The following BTBD9 variants were observed in gnomAD, a reference collection of about 807,000 sequenced individuals.
BTBD9 encodes BTB domain containing 9.
Under a neutral mutation model 64.3 loss-of-function variants are expected in BTBD9, and 49 were observed. The ratio of observed to expected loss-of-function variants is 0.76; its 90% CI spans 0.61 to 0.97. BTBD9 has a LOEUF of 0.97. Ranked by LOEUF, BTBD9 falls within the 50% of genes least tolerant of loss-of-function variation. The pLI is 0.00. For synonymous variants in BTBD9, 260 were observed against 274.7 expected, an observed-to-expected ratio of 0.95 and a Z score of 0.53; for missense variants, 598 against 762.1, an observed-to-expected ratio of 0.78 and a Z score of 2.53.
intron 6 of BTBD9, among the ~76,000 whole-genome samples, chr6:38,429,468 A>AG (rs1554150956): frequency 3.3e-5 from 5 of 151,298 alleles, no homozygotes; most frequent in African/African-American, 9.8e-5. Flanking sequence ...AAAAAAAAAA[A>AG]AAAGAAAGAA....
At chr6:38,453,833 T>C (rs1328863804) in intron 6 of BTBD9, among the ~76,000 whole-genome samples, 1 of 152,180 alleles carries the variant, frequency 6.6e-6, no homozygotes, top group Non-Finnish European at 1.5e-5. Flanking sequence ...AAGCTGCTTT[T>C]TGGAAGAAGA....
rs773664757 is a variant in BTBD9 at position 38,594,253 on chromosome 6, G to A, written c.260C>T (p.Ala87Val). ...GATATATTTGAGTAGCATTGTGAAT[G>A]CTTCTGCAGTGGTGTCTTGGAGAGG... ...EIPLQDTTAE[A>V]FTMLLKYIYT... The change falls in exon 3 of 11, where the codon GCA becomes GTA. Residue 87 changes from alanine to valine, a missense_variant. Ala to Val is a moderately conservative substitution (Grantham distance 64, BLOSUM62 0). Transcript: ENST00000481247. 3.7e-6 allele frequency: 6 copies of A among 1,613,874 alleles called. No individual in the cohort carries two copies.
Position 38,364,138 on chromosome 6 carries a change from A to C in BTBD9, c.1155-19045T>G, listed in dbSNP as rs146239598. Among the ~76,000 whole-genome samples the C allele has an allele frequency of 7.0e-3, 1,073 of 152,318 alleles. 10 individuals are homozygous for C. The highest frequency in any genetic ancestry group is 0.024 in the African/African-American group (1,002 of 41,558). ...CTAGAGAACCTAATGTAGCATTAAAAAAAAATCACATTCATTGGTGCCAAG... is the reference window on the plus strand; with the variant it reads ...CTAGAGAACCTAATGTAGCATTAAACAAAAATCACATTCATTGGTGCCAAG... On this transcript the variant is annotated intron_variant, in intron 6 of 10. Transcript: ENST00000481247.
chr6:38,190,467 TAAAAAAAAAAA>T (rs70981527), intron 10 of BTBD9, among the ~76,000 whole-genome samples: 1 of 77,518 alleles, frequency 1.3e-5, no homozygotes, highest in South Asian at 6.4e-4. Flanking sequence ...AAACTCTGTC[TAAAAAAAAAAA>T]AAAAAAAAAA....
At chr6:38,194,428 G>A (rs775308225) in intron 9 of BTBD9, among the ~76,000 whole-genome samples, 7 of 152,246 alleles carry the variant, frequency 4.6e-5, no homozygotes, top group Non-Finnish European at 8.8e-5. Flanking sequence ...AGTAGCTGGT[G>A]ACAGCTATTA....
intron 6 of BTBD9, among the ~76,000 whole-genome samples, chr6:38,413,072 T>C (rs2127262030): frequency 6.6e-6 from 1 of 152,330 alleles, no homozygotes; most frequent in East Asian, 1.9e-4. Flanking sequence ...ACTCTTCTTT[T>C]GATTCAAATT....
chr6:38,619,736 G>C (rs1192440007), intron 1 of BTBD9, among the ~76,000 whole-genome samples: 11 of 152,300 alleles, frequency 7.2e-5, no homozygotes, highest in Admixed American at 2.6e-4. Flanking sequence ...AATCTGCCCT[G>C]GATGGCTGTC....
At chr6:38,293,540 C>A (rs2127558606) in intron 7 of BTBD9, among the ~76,000 whole-genome samples, 1 of 152,252 alleles carries the variant, frequency 6.6e-6, no homozygotes, top group East Asian at 1.9e-4. Flanking sequence ...TGATCTTTGA[C>A]AAACCTGACA....
chr6:38,512,159 G>A (rs1178111169), intron 6 of BTBD9, among the ~76,000 whole-genome samples: 1 of 152,084 alleles, frequency 6.6e-6, no homozygotes, highest in Non-Finnish European at 1.5e-5. Context: ...TTTTAGTAGA[G>A]ATGGGGTTTC....
chr6:38,181,849 G>A (rs1001608353), intron 10 of BTBD9, among the ~76,000 whole-genome samples: 1 of 152,158 alleles, frequency 6.6e-6, no homozygotes, highest in African/African-American at 2.4e-5. Context: ...TTAGCCAGGT[G>A]TGGTGGCAGA....
intron 4 of BTBD9, among the ~76,000 whole-genome samples, chr6:38,590,400 G>C (rs1210144732): frequency 6.6e-6 from 1 of 152,186 alleles, no homozygotes; most frequent in Non-Finnish European, 1.5e-5. Flanking sequence ...TGTACAACTA[G>C]TAAGTGACTA....
intron 10 of BTBD9, chr6:38,179,869 T>C (rs780364732): frequency 4.4e-6 from 2 of 453,566 alleles, no homozygotes; most frequent in South Asian, 3.1e-5. Flanking sequence ...AGGTGAGGCC[T>C]TGAGGGGTTG....
rs139285398 is a variant in BTBD9, at chr6:38,627,758, C to T, written c.-28+12042G>A. 6.4e-3 allele frequency among the ~76,000 whole-genome samples: 967 copies of T among 152,064 alleles called. 24 individuals are homozygous for T. The highest frequency in any genetic ancestry group is 0.037 in the Admixed American group (572 of 15,266). The stretch of plus-strand genomic sequence containing the variant: ...AGTGATTTTTTTTTAACAAATGAGT[C>T]GCTCAATGAGATGTTACAAAGATTT... On this transcript the variant is annotated intron_variant, in intron 1 of 10. Transcript: ENST00000481247.
chr6:38,588,270 C>T, intron 4 of BTBD9: 1 of 1,150,090 alleles, frequency 8.7e-7, no homozygotes, highest in Non-Finnish European at 1.3e-6. Context: ...CAACAACTGC[C>T]TGCTCAGCTG....
intron 6 of BTBD9, among the ~76,000 whole-genome samples, chr6:38,468,080 T>C (rs1770477594): frequency 6.6e-6 from 1 of 152,182 alleles, no homozygotes. Context: ...ATTTTACTCA[T>C]GGCTTTCCAG....
chr6:38,445,351 T>C (rs1769226623), intron 6 of BTBD9, among the ~76,000 whole-genome samples: 1 of 152,254 alleles, frequency 6.6e-6, no homozygotes, highest in Admixed American at 6.5e-5. Context: ...TATTTTTCTG[T>C]TGACTATCCT....
chr6:38,600,569 T>C (rs1777204449), intron 1 of BTBD9, among the ~76,000 whole-genome samples: 1 of 152,022 alleles, frequency 6.6e-6, no homozygotes, highest in Non-Finnish European at 1.5e-5. Context: ...AATATTTCAA[T>C]GATCGTGCAT....
chr6:38,440,951 T>C (rs937837924), intron 6 of BTBD9, among the ~76,000 whole-genome samples: 9 of 152,232 alleles, frequency 5.9e-5, no homozygotes, highest in African/African-American at 1.9e-4. Flanking sequence ...TTTGCACTTA[T>C]ACTTTTCCTG....
At chr6:38,399,895 G>T (rs1369607463) in intron 6 of BTBD9, among the ~76,000 whole-genome samples, 1 of 151,962 alleles carries the variant, frequency 6.6e-6, no homozygotes, top group Non-Finnish European at 1.5e-5. Flanking sequence ...GGGATTATGG[G>T]CATGTGCCAC....
Sources: allele counts gnomAD v4.1 joint callset (sites outside exome capture counted in the v4.1 genomes callset), GRCh38; gene constraint gnomAD v4.1.1; transcripts MANE v1.5; gene names NCBI Gene and HGNC (gene_info 2026-07-23, HGNC 2026-07-21).